OR2L13: variants seen among roughly 807,000 people sequenced by gnomAD.
OR2L13 encodes olfactory receptor 2L13.
A neutral mutation model predicts 15.3 loss-of-function variants in OR2L13; 14 were observed. That is an observed-to-expected ratio of 0.91 (90% CI 0.60 to 1.43). OR2L13 has a LOEUF of 1.43. OR2L13 is among the 40% of genes most tolerant of loss of function. The pLI is 0.00. For synonymous variants in OR2L13, 152 were observed against 142.9 expected (o/e 1.06, Z -0.45); for missense variants, 367 against 387.9 (o/e 0.95, Z 0.45).
chr1:248,095,823 T>A (rs1179505369), upstream of OR2L13, among the ~76,000 whole-genome samples: 3 of 150,590 alleles, frequency 2.0e-5, no homozygotes, highest in Non-Finnish European at 4.4e-5. Flanking sequence ...GTCAGGCTGG[T>A]CCCGAACTCC....
chr1:248,072,613 C>G, the OR2L13 span, among the ~76,000 whole-genome samples: 1 of 151,938 alleles, frequency 6.6e-6, no homozygotes, highest in Non-Finnish European at 1.5e-5. Flanking sequence ...CAGCAAAAGC[C>G]AAAATTGACA....
the OR2L13 span, among the ~76,000 whole-genome samples, chr1:248,068,305 A>C: frequency 6.6e-6 from 1 of 152,048 alleles, no homozygotes; most frequent in South Asian, 2.1e-4. Flanking sequence ...CAAAATTTCC[A>C]GAGGAATGAT....
chr1:247,946,416 A>G, the OR2L13 span, among the ~76,000 whole-genome samples: 3 of 152,200 alleles, frequency 2.0e-5, no homozygotes, highest in African/African-American at 7.2e-5. Flanking sequence ...TCAGACTAAA[A>G]GCTGCCAGTC....
chr1:248,021,920 C>G, the OR2L13 span: 4 of 1,569,528 alleles, frequency 2.5e-6, no homozygotes, highest in Admixed American at 3.4e-5. Context: ...CTTGTGTCTC[C>G]CTTCAGGAAG....
At chr1:248,072,952 C>T in the OR2L13 span, among the ~76,000 whole-genome samples, 15 of 151,876 alleles carry the variant, frequency 9.9e-5, no homozygotes, top group South Asian at 2.6e-3. Context: ...GTTAGAATGG[C>T]AATCATTAAA....
the OR2L13 span, among the ~76,000 whole-genome samples, chr1:248,031,844 G>A: frequency 6.6e-6 from 1 of 152,028 alleles, no homozygotes; most frequent in East Asian, 1.9e-4. Flanking sequence ...TTTAAAAATA[G>A]GGTACTCAGT....
the OR2L13 span, among the ~76,000 whole-genome samples, chr1:248,005,263 A>G: frequency 6.6e-6 from 1 of 152,172 alleles, no homozygotes; most frequent in Non-Finnish European, 1.5e-5. Context: ...TGATCATTAC[A>G]CATTGTATGC....
chr1:248,003,913 A>C, the OR2L13 span: 3 of 1,613,024 alleles, frequency 1.9e-6, no homozygotes, highest in South Asian at 3.3e-5. Context: ...ATCTACGTCC[A>C]AGATCCCTGT....
the OR2L13 span, among the ~76,000 whole-genome samples, chr1:248,019,204 T>C: frequency 1.3e-5 from 2 of 152,198 alleles, no homozygotes; most frequent in African/African-American, 4.8e-5. Flanking sequence ...GAAATTACTA[T>C]ACAGATGGTC....
At chr1:247,943,658 G>A in the OR2L13 span, among the ~76,000 whole-genome samples, 1 of 152,080 alleles carries the variant, frequency 6.6e-6, no homozygotes, top group Non-Finnish European at 1.5e-5. Flanking sequence ...TTTATGTTAT[G>A]ATGAGTTTAT....
At chr1:248,007,613 T>C in the OR2L13 span, among the ~76,000 whole-genome samples, 1 of 152,254 alleles carries the variant, frequency 6.6e-6, no homozygotes, top group Admixed American at 6.5e-5. Flanking sequence ...CACAGAGTTC[T>C]TGGCTAATTT....
At chr1:247,977,434 A>G in the OR2L13 span, among the ~76,000 whole-genome samples, 1 of 152,282 alleles carries the variant, frequency 6.6e-6, no homozygotes, top group African/African-American at 2.4e-5. Flanking sequence ...AATCCCATCC[A>G]TATCTAGGCA....
the OR2L13 span, among the ~76,000 whole-genome samples, chr1:248,000,123 G>GGTGTGTGTGTGTGTGT: frequency 2.5e-3 from 343 of 138,282 alleles, 2 homozygotes; most frequent in African/African-American, 7.3e-3. Context: ...TTTTTTTTTT[G>GGTGTGTGTGTGTGTGT]GTGTGTGTGT....
chr1:247,997,827 G>A, the OR2L13 span, among the ~76,000 whole-genome samples: 2 of 152,094 alleles, frequency 1.3e-5, no homozygotes, highest in Admixed American at 6.6e-5. Context: ...AGTTTCAGTG[G>A]ACATTCCCTA....
the OR2L13 span, among the ~76,000 whole-genome samples, chr1:248,088,149 G>A: frequency 6.6e-6 from 1 of 152,060 alleles, no homozygotes; most frequent in South Asian, 2.1e-4. Flanking sequence ...CGAGGTAGCA[G>A]AGCGGAAGAA....
intron 1 of OR2L13, among the ~76,000 whole-genome samples, chr1:248,098,123 A>T (rs1211680501): frequency 1.3e-5 from 2 of 152,230 alleles, no homozygotes; most frequent in Non-Finnish European, 2.9e-5. Flanking sequence ...TCCTTTGTTT[A>T]ATCCAATGAT....
At chr1:248,091,007 G>T (rs1391212861), upstream of OR2L13, among the ~76,000 whole-genome samples, 1 of 151,926 alleles carries the variant, frequency 6.6e-6, no homozygotes, top group South Asian at 2.1e-4. Context: ...ATCTCATTGT[G>T]GTTTTGATAT....
the OR2L13 span, among the ~76,000 whole-genome samples, chr1:247,985,108 CTTTTT>C: frequency 6.6e-6 from 1 of 151,888 alleles, no homozygotes; most frequent in African/African-American, 2.4e-5. Flanking sequence ...ATTTTTTACT[CTTTTT>C]TTTAATACTT....
chr1:248,054,838 T>G, the OR2L13 span, among the ~76,000 whole-genome samples: 2 of 152,228 alleles, frequency 1.3e-5, no homozygotes, highest in African/African-American at 4.8e-5. Context: ...AAGAAGCCTT[T>G]GGGCTGAGTC....
Sources: gnomAD v4.1 joint callset for allele counts (sites outside exome capture counted in the v4.1 genomes callset) on GRCh38, gnomAD v4.1.1 for gene constraint, MANE v1.5 for transcripts, NCBI Gene and HGNC (gene_info 2026-07-23, HGNC 2026-07-21) for gene names.